The following MCM2 variants were observed in gnomAD, a reference collection of about 807,000 sequenced individuals.
The protein encoded by MCM2 is DNA replication licensing factor MCM2.
Under a neutral mutation model 86.4 loss-of-function variants are expected in MCM2, and 49 were observed. That is an observed-to-expected ratio of 0.57 (90% CI 0.45 to 0.72). MCM2 has a LOEUF of 0.72. MCM2 is among the 30% of genes least tolerant of loss of function. The pLI is 0.00. For missense variants in MCM2, 1,038 were observed against 1,259.9 expected (o/e 0.82, Z 2.67); for synonymous variants, 475 against 484.6 (o/e 0.98, Z 0.26).
At chr3:127,607,620 C>T (rs990806504) in intron 6 of MCM2, among the ~76,000 whole-genome samples, 2 of 152,214 alleles carry the variant, frequency 1.3e-5, no homozygotes, top group Non-Finnish European at 2.9e-5. Context: ...TGTCTGTCTC[C>T]CTCAGGCCTT....
Position 127,605,053 on chromosome 3 carries a change from C to T in MCM2, c.570C>T (p.Gly190=), listed in dbSNP as rs773248578. The T allele has an allele frequency of 3.1e-6, 5 of 1,613,832 alleles. No homozygotes were observed. Residue 190 remains glycine, a synonymous_variant, in exon 4 of 16, where the codon GGC becomes GGT. Coordinates refer to ENST00000265056, the MANE Select transcript of MCM2 (RefSeq NM_004526.4). ...TGCGCGAGTGGGTGAGCATGGCGGG[C>T]CCCCGGCTGGAGATCCACCACCGCT... The part of the protein sequence containing the change: ...HSVREWVSMA[G]PRLEIHHRFK...
intron 2 of MCM2, among the ~76,000 whole-genome samples, chr3:127,603,950 G>A (rs1193496950): frequency 6.6e-6 from 1 of 152,022 alleles, no homozygotes; most frequent in African/African-American, 2.4e-5. Flanking sequence ...ATGAGCCACC[G>A]TGCCCGGCCA....
At chr3:127,616,101 C>T in intron 9 of MCM2, 146 bp downstream of exon 9, 2 of 671,156 alleles carry the variant, frequency 3.0e-6, no homozygotes, top group Admixed American at 5.1e-5. Context: ...GTGACTCATT[C>T]TTCAAGGGAG....
rs769267770 is a variant in MCM2 at position 127,617,431 on chromosome 3, G to C, written c.1900+26G>C. On this transcript the variant is annotated intron_variant, in intron 11 of 15. Transcript: ENST00000265056. This position sits in a 1 kb window ranked among gnomAD's most constrained non-coding sequence, Gnocchi z 4.1. ...GTGCAGCAGGCACCCTGACTGCTGG[G>C]GCTGGGGTGGGACACAGGGAGGTCC... 8 of 1,606,680 alleles carry C rather than the reference G, an allele frequency of 5.0e-6. No individual in the cohort carries two copies. In the East Asian group the frequency reaches 1.6e-4, roughly 31 times the overall value.
intron 8 of MCM2, among the ~76,000 whole-genome samples, chr3:127,613,297 C>T (rs2074412309): frequency 6.6e-6 from 1 of 152,228 alleles, no homozygotes; most frequent in African/African-American, 2.4e-5. Flanking sequence ...GATTGGCAGT[C>T]TTGGCACATC....
rs757014082 is a variant in MCM2, at chr3:127,621,121, C to A, written c.2497C>A (p.Leu833Ile). 1.2e-6 allele frequency: 2 copies of A among 1,614,140 alleles called. No homozygotes were observed. Among genetic ancestry groups the A allele is most frequent in the Non-Finnish European group, 1.7e-6 (2 of 1,180,060 alleles). The change falls in exon 15 of 16, where the codon CTC becomes ATC. Residue 833 changes from leucine to isoleucine, a missense_variant. Around this residue, in one of 4 missense-constraint regions of MCM2, gnomAD observed 336 missense variants for 425.7 expected, o/e 0.79. Transcript: ENST00000265056. ...CCGGCGTGACAACAATGAGCTGTTG[C>A]TCTTCATACTGAAGCAGTTAGTGGC... ...SFRRDNNELL[L>I]FILKQLVAEQ...
chr3:127,602,162 C>CG (rs2074310406), intron 2 of MCM2, among the ~76,000 whole-genome samples: 2 of 127,948 alleles, frequency 1.6e-5, no homozygotes, highest in African/African-American at 5.9e-5. Flanking sequence ...TCCAGTTTAA[C>CG]TTTTTTTTTT....
At position 127,608,782 on chromosome 3, in the gene MCM2, T is replaced by G; in HGVS notation, c.1237-50T>G. The stretch of plus-strand genomic sequence containing the variant: ...AAACTGGAGGAAGGCAGCACGGAGG[T>G]GGGCACCCCTGGGTTAGGCTCTGAC... On this transcript the variant is annotated intron_variant, in intron 7 of 15. Transcript: ENST00000265056. 7 of 1,580,402 alleles carry G rather than the reference T, an allele frequency of 4.4e-6. No homozygotes were observed. In the South Asian group the frequency reaches 7.9e-5, roughly 18 times the overall value.
chr3:127,619,504 C>G (rs757764212), intron 13 of MCM2, among the ~76,000 whole-genome samples: 5 of 151,112 alleles, frequency 3.3e-5, no homozygotes, highest in Non-Finnish European at 7.4e-5. Flanking sequence ...TGAGACCAGC[C>G]TGACCAACAT....
At position 127,617,208 on chromosome 3, in the gene MCM2, T is replaced by C. The variant is rs2074440161; in HGVS notation, c.1774-71T>C. On this transcript the variant is annotated intron_variant, in intron 10 of 15. Transcript: ENST00000265056. The surrounding 1 kb of genome is among the most constrained non-coding windows in gnomAD (Gnocchi z 4.1). ...ACGGGAATGGTGTTAATGGGGTCCA[T>C]TGGGACCTCATCGGAGACTTAGTAG... The C allele has an allele frequency of 3.1e-6, 5 of 1,606,952 alleles. No individual in the cohort carries two copies. The highest frequency in any genetic ancestry group is 1.7e-5 in the Admixed American group (1 of 59,778).
At chr3:127,610,926 T>C in intron 8 of MCM2, 1 of 456,704 alleles carries the variant, frequency 2.2e-6, no homozygotes, top group Non-Finnish European at 4.4e-6. Flanking sequence ...GAGCTTCAGT[T>C]CAGCCAACAC....
At chr3:127,605,245 A>C in intron 4 of MCM2, 89 bp downstream of exon 4, 1 of 1,520,064 alleles carries the variant, frequency 6.6e-7, no homozygotes, top group East Asian at 2.3e-5. Flanking sequence ...GAACACGTGA[A>C]GCACAGGGCA....
chr3:127,620,746 C>T lies in MCM2; in HGVS notation c.2314C>T (p.Arg772Cys). 1 of 1,612,668 alleles carries T rather than the reference C, an allele frequency of 6.2e-7. No homozygotes were observed. The highest frequency in any genetic ancestry group is 8.5e-7 in the Non-Finnish European group (1 of 1,178,956). ...ITVRHIESMI[R>C]MAEAHARIHL... ...GGTGCGGCACATCGAGTCCATGATC[C>T]GCATGGCGGAGGCCCACGCGCGCAT... Residue 772 changes from arginine to cysteine, a missense_variant, in exon 14 of 16, where the codon CGC becomes TGC. Arg to Cys is a radical substitution (Grantham distance 180, BLOSUM62 -3). Around this residue, in one of 4 missense-constraint regions of MCM2, gnomAD observed 336 missense variants for 425.7 expected, o/e 0.79. Coordinates refer to ENST00000265056, the MANE Select transcript of MCM2 (RefSeq NM_004526.4).
rs372169766 is a variant in MCM2 at position 127,608,378 on chromosome 3, G to A, written c.1102-4G>A. Reference sequence around the variant, plus strand: ...ATTTGAGGCCTTCTGTGTGTCCCTCGCAGACCATCTATCAGAACTACCAGC... The same window carrying A: ...ATTTGAGGCCTTCTGTGTGTCCCTCACAGACCATCTATCAGAACTACCAGC... On this transcript the variant is annotated splice_region_variant and splice_polypyrimidine_tract_variant and intron_variant, in intron 6 of 15. Coordinates refer to ENST00000265056, the MANE Select transcript of MCM2 (RefSeq NM_004526.4). 8.7e-6 allele frequency: 14 copies of A among 1,613,936 alleles called. No homozygotes were observed. The highest frequency in any genetic ancestry group is 1.3e-5 in the African/African-American group (1 of 74,940).
intron 2 of MCM2, 86 bp from the exon 3 acceptor site, chr3:127,604,522 G>C: frequency 7.1e-7 from 1 of 1,413,272 alleles, no homozygotes; most frequent in Non-Finnish European, 9.7e-7. Context: ...CTGAACCTTA[G>C]GGAACAGGCC....
intron 13 of MCM2, among the ~76,000 whole-genome samples, chr3:127,619,604 G>T (rs1384186436): frequency 6.6e-6 from 1 of 152,128 alleles, no homozygotes; most frequent in African/African-American, 2.4e-5. Flanking sequence ...GCTTGAACCC[G>T]GGAGGCGGAG....
At position 127,598,473 on chromosome 3, in the gene MCM2, G is replaced by A. The variant is rs1189896201; in HGVS notation, c.6+1G>A. 6.2e-7 allele frequency: 1 copy of A among 1,612,994 alleles called. No individual in the cohort carries two copies. Among genetic ancestry groups the A allele is most frequent in the Admixed American group, 1.7e-5 (1 of 59,986 alleles). ...AGAGGATCGTGGTACTGCTATGGCG[G>A]TGAGCGCGCTGGCGCGTGGCGGGCG... is the stretch of plus-strand genomic sequence containing the variant. On this transcript the variant is annotated splice_donor_variant, in intron 1 of 15. Coordinates refer to ENST00000265056, the MANE Select transcript of MCM2 (RefSeq NM_004526.4). LOFTEE classifies it high-confidence loss of function.
chr3:127,610,373 G>A (rs1434769812), intron 8 of MCM2, among the ~76,000 whole-genome samples: 2 of 152,166 alleles, frequency 1.3e-5, no homozygotes, highest in African/African-American at 4.8e-5. Flanking sequence ...AATTTTGAAG[G>A]AATGGATGGT....
intron 1 of MCM2, 111 bp from the exon 2 acceptor site, chr3:127,599,207 A>G: frequency 1.2e-6 from 1 of 860,158 alleles, no homozygotes; most frequent in Non-Finnish European, 1.9e-6. Flanking sequence ...GTGTTGGAGG[A>G]CAAGAGTCAC....
Sources: allele counts gnomAD v4.1 joint callset (sites outside exome capture counted in the v4.1 genomes callset), GRCh38; gene constraint gnomAD v4.1.1; regional missense constraint gnomAD v4.1.1; non-coding constraint Gnocchi (gnomAD v3.1); transcripts MANE v1.5; gene names NCBI Gene and HGNC (gene_info 2026-07-23, HGNC 2026-07-21).